Variants in DNAH2 observed in about 807,000 individuals in gnomAD.
DNAH2 encodes axonemal beta dynein heavy chain 2.
A neutral mutation model predicts 523.5 loss-of-function variants in DNAH2; 323 were observed. The observed-to-expected ratio is 0.62, with a 90% CI of 0.56 to 0.68. DNAH2 has a LOEUF of 0.68. Ranked by LOEUF, DNAH2 falls within the 30% of genes least tolerant of loss-of-function variation. The pLI, the probability that DNAH2 is intolerant of heterozygous loss-of-function variation, is 0.00. For synonymous variants in DNAH2, 2,093 were observed against 2,177.4 expected, an observed-to-expected ratio of 0.96 and a Z score of 1.08; for missense variants, 4,907 against 5,701.5, an observed-to-expected ratio of 0.86 and a Z score of 4.49.
chr17:7,741,587 T>C (rs1255572141), intron 11 of DNAH2, among the ~76,000 whole-genome samples: 1 of 151,922 alleles, frequency 6.6e-6, no homozygotes, highest in East Asian at 1.9e-4. Context: ...CTGAGTCTCC[T>C]GACCTCATGA....
Position 7,796,499 on chromosome 17 carries a change from C to T in DNAH2, c.7710C>T (p.Ile2570=). ...SQIIRIFGTM[I]NQKLQDFEEE... Reference sequence around the variant, plus strand: ...TCATCCGCATATTCGGCACCATGATCAATCAGAAGCTTCAGGACTTTGAGG... The same window carrying T: ...TCATCCGCATATTCGGCACCATGATTAATCAGAAGCTTCAGGACTTTGAGG... The change falls in exon 50 of 86, where the codon ATC becomes ATT. Residue 2570 remains isoleucine, a synonymous_variant. Transcript: ENST00000572933. 6.2e-7 allele frequency: 1 copy of T among 1,613,860 alleles called. No individual in the cohort carries two copies. The highest frequency in any genetic ancestry group is 8.5e-7 in the Non-Finnish European group (1 of 1,179,992).
chr17:7,818,228 C>A, intron 68 of DNAH2, 84 bp from the exon 69 acceptor site: 2 of 1,596,216 alleles, frequency 1.3e-6, no homozygotes, highest in South Asian at 2.3e-5. Context: ...CAGGCTGAGT[C>A]GCTGCCCCTG....
Position 7,743,628 on chromosome 17 carries a change from T to TGGCG in DNAH2, c.1904+486_1904+487insGGCG, listed in dbSNP as rs1158888272. 129 of 450,328 alleles carry TGGCG rather than the reference T, an allele frequency of 2.9e-4. 1 individual carries two copies. The highest frequency in any genetic ancestry group is 8.3e-5 in the Non-Finnish European group (21 of 252,614). 27.9% of individuals were successfully genotyped at this position (450,328 alleles called of 1,614,324 possible). On this transcript the variant is annotated intron_variant, in intron 12 of 85. Coordinates refer to ENST00000572933, the MANE Select transcript of DNAH2 (RefSeq NM_020877.5). ...CTGCAGTGAGCTGAGATCACACCAC[T>TGGCG]ACACTCCAGCCTGGGCGACAGAGTG...
intron 63 of DNAH2, among the ~76,000 whole-genome samples, chr17:7,810,420 G>C (rs138349901): frequency 6.6e-6 from 1 of 151,860 alleles, no homozygotes; most frequent in Non-Finnish European, 1.5e-5. Context: ...AGAGAGTCTC[G>C]CTCTATCACC....
rs1289424952 is a variant in DNAH2 at position 7,805,078 on chromosome 17, C to T, written c.9300+4C>T. On this transcript the variant is annotated splice_donor_region_variant and intron_variant, in intron 60 of 85. Transcript: ENST00000572933. ...CGCCCTGGAAGAGGCCATGCGGGTA[C>T]CAGGGGCGGGTGCAAGGATGGGAGC... The T allele has an allele frequency of 1.6e-5, 26 of 1,612,470 alleles. No individual in the cohort carries two copies. The highest frequency in any genetic ancestry group is 2.2e-5 in the Non-Finnish European group (26 of 1,178,878).
chr17:7,788,782 TGCTAGGTAA>T (rs1474037000), intron 44 of DNAH2, among the ~76,000 whole-genome samples: 3 of 152,248 alleles, frequency 2.0e-5, no homozygotes, highest in African/African-American at 7.2e-5. Flanking sequence ...TTAAAGATGT[TGCTAGGTAA>T]TTAAACTATT....
Position 7,754,183 on chromosome 17 carries a change from TGAA to T in DNAH2, c.1905-2903_1905-2901del, listed in dbSNP as rs992814888. 1.8e-5 allele frequency: 3 copies of T among 168,280 alleles called. No homozygotes were observed. The highest frequency in any genetic ancestry group is 7.2e-5 in the African/African-American group (3 of 41,910). 10.4% of individuals were successfully genotyped at this position (168,280 alleles called of 1,614,324 possible). A position where few individuals can be genotyped will look rare whatever the true frequency, so the allele number is the denominator to read the frequency against. On this transcript the variant is annotated intron_variant, in intron 12 of 85. Coordinates refer to ENST00000572933, the MANE Select transcript of DNAH2 (RefSeq NM_020877.5). The surrounding 1 kb of genome is among the most constrained non-coding windows in gnomAD (Gnocchi z 4.6). ...GAAGGGGAGGACAGGATATGGCACC[TGAA>T]GAAGGACAGGAGTTGAAGGGGCGCT...
At chr17:7,752,160 T>TACACACACTCACACACACACAC (rs146035380) in intron 12 of DNAH2, among the ~76,000 whole-genome samples, 7,207 of 124,854 alleles carry the variant, frequency 0.058, 370 homozygotes, top group Non-Finnish European at 0.069. Flanking sequence ...TAAGTCATTT[T>TACACACACTCACACACACACAC]ACACACACAC....
intron 58 of DNAH2, 90 bp from the exon 59 acceptor site, chr17:7,804,166 C>T: frequency 7.3e-7 from 1 of 1,363,730 alleles, no homozygotes; most frequent in Non-Finnish European, 1.0e-6. Flanking sequence ...GGAAGGCGGA[C>T]TCGAGACACA....
chr17:7,784,264 T>G (rs1567692314), intron 39 of DNAH2, among the ~76,000 whole-genome samples: 1 of 152,174 alleles, frequency 6.6e-6, no homozygotes, highest in Non-Finnish European at 1.5e-5. Context: ...AGTATCATAG[T>G]GGAGAGCTTA....
In DNAH2 at chr17:7,794,474, G is replaced by A. The variant is rs937862282; in HGVS notation, c.7674+116G>A. 2.2e-5 allele frequency: 19 copies of A among 871,610 alleles called. No homozygotes were observed. The East Asian group carries it at 2.6e-4, about 12-fold the overall frequency. 54.0% of individuals were successfully genotyped at this position (871,610 alleles called of 1,614,324 possible). A position where few individuals can be genotyped will look rare whatever the true frequency, so the allele number is the denominator to read the frequency against. ...TGCGGCACCCCAAGTGGAGCTCCAC[G>A]CAGGACGCTGGGACGATCCGTAAGG... is the stretch of plus-strand genomic sequence containing the variant. On this transcript the variant is annotated intron_variant, in intron 49 of 85. Transcript: ENST00000572933.
chr17:7,795,929 G>A (rs1402275359), intron 49 of DNAH2, among the ~76,000 whole-genome samples: 3 of 145,858 alleles, frequency 2.1e-5, no homozygotes, highest in South Asian at 4.2e-4. Flanking sequence ...CCCGGGAGGC[G>A]GAAGTTGCAG....
Position 7,770,401 on chromosome 17 carries a change from T to C in DNAH2, c.4091T>C (p.Ile1364Thr). Reference sequence around the variant, plus strand: ...GCTTCAGCAACTAAAGAGCTGGCTATAGAAGTGGTACGACAGTCCCCTCCC... The same window carrying C: ...GCTTCAGCAACTAAAGAGCTGGCTACAGAAGTGGTACGACAGTCCCCTCCC... ...ISASATKELA[I>T]EVALQNIAKT... is the part of the protein sequence containing the mutation. Residue 1364 changes from isoleucine (I) to threonine (T), a missense_variant, in exon 25 of 86, where the codon ATA becomes ACA. Physicochemically the swap from Ile to Thr is moderately conservative, Grantham distance 89. Transcript: ENST00000572933. 2 of 1,612,822 alleles carry C rather than the reference T, an allele frequency of 1.2e-6. No homozygotes were observed. The highest frequency in any genetic ancestry group is 8.5e-7 in the Non-Finnish European group (1 of 1,179,346).
At chr17:7,766,215 C>T (rs1305500580) in intron 21 of DNAH2, 103 bp from the exon 22 acceptor site, 46 of 1,240,928 alleles carry the variant, frequency 3.7e-5, no homozygotes, top group Non-Finnish European at 4.5e-5. Flanking sequence ...CCCTCTCTCA[C>T]GTGAGGAGAG....
chr17:7,741,979 A>G (rs1404244122), intron 11 of DNAH2, among the ~76,000 whole-genome samples: 2 of 152,036 alleles, frequency 1.3e-5, no homozygotes, highest in East Asian at 1.9e-4. Flanking sequence ...TAGGAATTTC[A>G]TATCAGGCTG....
intron 3 of DNAH2, among the ~76,000 whole-genome samples, chr17:7,724,260 G>A (rs1369919750): frequency 1.3e-5 from 2 of 152,108 alleles, no homozygotes; most frequent in Non-Finnish European, 2.9e-5. Flanking sequence ...AATGGCAAGA[G>A]ACAGAAAAGT....
intron 42 of DNAH2, 104 bp from the exon 43 acceptor site, chr17:7,787,756 C>G: frequency 3.9e-6 from 4 of 1,021,350 alleles, no homozygotes; most frequent in Admixed American, 3.3e-5. Context: ...AAAAAAAAAG[C>G]AAATCGTTTG....
At chr17:7,733,355 TC>T (rs757874423) in intron 5 of DNAH2, 40 bp downstream of exon 5, 1 of 1,597,754 alleles carries the variant, frequency 6.3e-7, no homozygotes, top group African/African-American at 1.3e-5. Flanking sequence ...CTCCTTAGTG[TC>T]CCCCAACTGT....
intron 77 of DNAH2, among the ~76,000 whole-genome samples, chr17:7,829,670 C>T (rs1435106324): frequency 2.0e-5 from 3 of 152,084 alleles, no homozygotes; most frequent in Non-Finnish European, 4.4e-5. Flanking sequence ...GTTCATTTTT[C>T]TGGCACCCCA....
Sources: allele counts gnomAD v4.1 joint callset (sites outside exome capture counted in the v4.1 genomes callset), GRCh38; gene constraint gnomAD v4.1.1; non-coding constraint Gnocchi (gnomAD v3.1); transcripts MANE v1.5; gene names NCBI Gene and HGNC (gene_info 2026-07-23, HGNC 2026-07-21).